Variants in FRMD6 observed in about 807,000 individuals in gnomAD.
FRMD6 encodes the protein FERM domain-containing protein 6.
In FRMD6, 37 loss-of-function variants were observed where a neutral mutation model predicts 73.2. The observed-to-expected ratio is 0.51, with a 90% CI of 0.39 to 0.66. The LOEUF (loss-of-function observed/expected upper bound fraction) is 0.66, where lower values mean the gene tolerates loss of function less well. FRMD6 is among the 30% of genes least tolerant of loss of function. FRMD6 has a pLI of 0.00. For missense variants in FRMD6, 714 were observed against 780.5 expected (o/e 0.91, Z 1.02); for synonymous variants, 273 against 282.2 (o/e 0.97, Z 0.33).
At chr14:51,710,402 C>T (rs569403599) in intron 7 of FRMD6, among the ~76,000 whole-genome samples, 10 of 152,072 alleles carry the variant, frequency 6.6e-5, no homozygotes, top group African/African-American at 1.9e-4. Context: ...CAATATATAC[C>T]GTATACTTGA....
At chr14:51,575,213 A>C (rs1888337561) in intron 2 of FRMD6, among the ~76,000 whole-genome samples, 1 of 152,210 alleles carries the variant, frequency 6.6e-6, no homozygotes, top group Admixed American at 6.5e-5. Flanking sequence ...TTGTTATTTA[A>C]TTTTAAAATA....
chr14:51,687,453 T>G (rs1163288161), intron 1 of FRMD6, among the ~76,000 whole-genome samples: 2 of 152,116 alleles, frequency 1.3e-5, no homozygotes, highest in Non-Finnish European at 2.9e-5. Context: ...AGGGGAAAAT[T>G]TTGTCATGAA....
At chr14:51,576,888 T>C (rs1047380303) in intron 2 of FRMD6, among the ~76,000 whole-genome samples, 5 of 152,208 alleles carry the variant, frequency 3.3e-5, no homozygotes, top group Non-Finnish European at 7.3e-5. Flanking sequence ...TCTCTTTCTC[T>C]CTTTGAGCCT....
At chr14:51,593,726 C>T (rs1041112456) in intron 2 of FRMD6, among the ~76,000 whole-genome samples, 12 of 152,134 alleles carry the variant, frequency 7.9e-5, no homozygotes, top group African/African-American at 2.9e-4. Flanking sequence ...AGAGAATAAT[C>T]TAGGTAAACC....
Position 51,630,622 on chromosome 14 carries a change from C to G in FRMD6, c.-146-59069C>G, listed in dbSNP as rs1467107708. ...AGTAGCCAGGCATGGTGGCATGCGC[C>G]TGTAGTCCCAGCTACTTGGGAGGCT... is the stretch of plus-strand genomic sequence containing the variant. On this transcript the variant is annotated intron_variant, in intron 2 of 14. Transcript: ENST00000356218. Among the ~76,000 whole-genome samples, 5 of 152,054 alleles carry G rather than the reference C, an allele frequency of 3.3e-5. No homozygotes were observed. The East Asian group carries it at 9.7e-4, about 29-fold the overall frequency.
intron 2 of FRMD6, among the ~76,000 whole-genome samples, chr14:51,596,406 C>A (rs969832090): frequency 2.0e-5 from 3 of 152,104 alleles, no homozygotes; most frequent in African/African-American, 7.2e-5. Flanking sequence ...GATTTAAATT[C>A]TATTATAAGC....
At chr14:51,510,106 C>T (rs1032072892) in intron 1 of FRMD6, among the ~76,000 whole-genome samples, 5 of 152,134 alleles carry the variant, frequency 3.3e-5, no homozygotes, top group African/African-American at 1.2e-4. Context: ...ATTTTTCATC[C>T]ATCTTGTTGC....
At chr14:51,463,350 C>T in the FRMD6 span, among the ~76,000 whole-genome samples, 1 of 152,336 alleles carries the variant, frequency 6.6e-6, no homozygotes, top group East Asian at 1.9e-4. Context: ...TTTAAATCAT[C>T]TCTAGATTAC....
chr14:51,635,389 A>C (rs1891513820), intron 2 of FRMD6, among the ~76,000 whole-genome samples: 1 of 152,056 alleles, frequency 6.6e-6, no homozygotes, highest in Non-Finnish European at 1.5e-5. Context: ...CTATCTTTTT[A>C]AAACAAAACA....
intron 12 of FRMD6, among the ~76,000 whole-genome samples, chr14:51,725,358 C>T (rs770536150): frequency 1.4e-4 from 22 of 152,024 alleles, no homozygotes; most frequent in South Asian, 2.1e-4. Context: ...ACATCCAAGC[C>T]GAACCAAATC....
chr14:51,627,098 A>G (rs191196200), intron 2 of FRMD6, among the ~76,000 whole-genome samples: 384 of 152,314 alleles, frequency 2.5e-3, no homozygotes, highest in African/African-American at 8.8e-3. Flanking sequence ...TAGAACTGCA[A>G]CCACCACTAT....
the FRMD6 span, among the ~76,000 whole-genome samples, chr14:51,463,150 C>T: frequency 6.6e-6 from 1 of 152,180 alleles, no homozygotes; most frequent in Non-Finnish European, 1.5e-5. Context: ...GAATATTTTG[C>T]TCTTCTTGTC....
intron 1 of FRMD6, among the ~76,000 whole-genome samples, chr14:51,545,968 G>A (rs1362774717): frequency 6.6e-6 from 1 of 151,958 alleles, no homozygotes; most frequent in Admixed American, 6.6e-5. Flanking sequence ...AAGAATTAAA[G>A]TTGAAAAAAA....
intron 2 of FRMD6, among the ~76,000 whole-genome samples, chr14:51,599,293 A>G (rs1207958806): frequency 2.0e-5 from 3 of 152,114 alleles, no homozygotes; most frequent in South Asian, 2.1e-4. Context: ...ATCCATATGC[A>G]GAAGAATGAA....
chr14:51,628,727 G>A (rs912654656), intron 2 of FRMD6, among the ~76,000 whole-genome samples: 3 of 145,254 alleles, frequency 2.1e-5, no homozygotes, highest in Non-Finnish European at 4.5e-5. Flanking sequence ...CTTGAACCCA[G>A]GTGGCAGAGG....
intron 10 of FRMD6, 23 bp from the exon 11 acceptor site, chr14:51,720,032 G>T: frequency 6.3e-7 from 1 of 1,581,184 alleles, no homozygotes; most frequent in South Asian, 1.2e-5. Flanking sequence ...CTTGGTTAAT[G>T]AACTGTGTTC....
intron 1 of FRMD6, among the ~76,000 whole-genome samples, chr14:51,563,087 G>A (rs1206704614): frequency 1.3e-5 from 2 of 152,180 alleles, no homozygotes; most frequent in African/African-American, 4.8e-5. Context: ...GTGTAGCATC[G>A]CCAGCATGGC....
At chr14:51,716,106 G>C (rs536207505) in intron 10 of FRMD6, among the ~76,000 whole-genome samples, 21 of 152,294 alleles carry the variant, frequency 1.4e-4, no homozygotes, top group African/African-American at 3.9e-4. Context: ...TGGGGCCTCA[G>C]AGTACTGGAC....
chr14:51,415,928 A>G, the FRMD6 span, among the ~76,000 whole-genome samples: 1 of 152,214 alleles, frequency 6.6e-6, no homozygotes, highest in South Asian at 2.1e-4. Flanking sequence ...TAGATTTTCC[A>G]GTTTATTTGC....
Sources: allele counts gnomAD v4.1 joint callset (sites outside exome capture counted in the v4.1 genomes callset), GRCh38; gene constraint gnomAD v4.1.1; transcripts MANE v1.5; gene names NCBI Gene and HGNC (gene_info 2026-07-23, HGNC 2026-07-21).